Variants in SAR1B observed in about 807,000 individuals in gnomAD.
The protein encoded by SAR1B is small COPII coat GTPase SAR1B.
In SAR1B, 23 loss-of-function variants were observed where a neutral mutation model predicts 26.8. The observed-to-expected ratio is 0.86, with a 90% CI of 0.62 to 1.22. SAR1B has a LOEUF of 1.22. Ranked by LOEUF, SAR1B falls within the 50% of genes most tolerant of loss-of-function variation. SAR1B has a pLI of 0.00. For synonymous variants in SAR1B, 65 were observed against 80.8 expected, an observed-to-expected ratio of 0.80 and a Z score of 1.05; for missense variants, 196 against 232.8, an observed-to-expected ratio of 0.84 and a Z score of 1.03.
chr5:134,620,122 C>T (rs964881686), intron 3 of SAR1B, among the ~76,000 whole-genome samples: 3 of 151,940 alleles, frequency 2.0e-5, no homozygotes, highest in South Asian at 2.1e-4. Flanking sequence ...CTGGCTAACA[C>T]GGAGAAACCC....
intron 1 of SAR1B, among the ~76,000 whole-genome samples, chr5:134,628,886 C>A (rs561027794): frequency 6.6e-6 from 1 of 152,018 alleles, no homozygotes; most frequent in East Asian, 1.9e-4. Context: ...GAACTCCTGA[C>A]CTCGAGATCC....
At chr5:134,617,666 G>A (rs1228091517) in intron 3 of SAR1B, among the ~76,000 whole-genome samples, 1 of 152,044 alleles carries the variant, frequency 6.6e-6, no homozygotes, top group African/African-American at 2.4e-5. Flanking sequence ...GCTGGTTTTT[G>A]TTGGGTTTTT....
At chr5:134,612,974 T>C (rs558864970) in intron 3 of SAR1B, 24 of 539,692 alleles carry the variant, frequency 4.4e-5, no homozygotes, top group Admixed American at 4.0e-4. Flanking sequence ...TGTTCTTAGC[T>C]CCCACAATTT....
At chr5:134,622,612 G>A (rs565497141) in intron 2 of SAR1B, among the ~76,000 whole-genome samples, 22 of 150,596 alleles carry the variant, frequency 1.5e-4, no homozygotes, top group African/African-American at 4.6e-4. Context: ...GGGTTTCACC[G>A]TGTTAGCCAG....
intron 4 of SAR1B, 149 bp from the exon 5 acceptor site, chr5:134,609,823 G>A (rs998055044): frequency 1.4e-5 from 10 of 703,152 alleles, no homozygotes; most frequent in Non-Finnish European, 2.3e-5. Flanking sequence ...ACCCAGTGGT[G>A]CCAAATTCTT....
chr5:134,626,995 A>T (rs1025401576), intron 1 of SAR1B, among the ~76,000 whole-genome samples: 1 of 152,234 alleles, frequency 6.6e-6, no homozygotes, highest in Non-Finnish European at 1.5e-5. Flanking sequence ...AGCAAATTTT[A>T]AAAAGCTTAT....
At position 134,602,941 on chromosome 5, in the gene SAR1B, A is replaced by C. The variant is rs1402528156; in HGVS notation, c.*4009T>G. 6.6e-6 allele frequency: 1 copy of C among 152,212 alleles called. No individual in the cohort carries two copies. Among genetic ancestry groups the C allele is most frequent in the African/African-American group, 2.4e-5 (1 of 41,458 alleles). 9.4% of individuals were successfully genotyped at this position (152,212 alleles called of 1,614,324 possible). On this transcript the variant is annotated 3_prime_UTR_variant, in exon 7 of 7. Coordinates refer to ENST00000402673, the MANE Select transcript of SAR1B (RefSeq NM_016103.4). ...TTTTGATAATTTAGTCCTTAATTGA[A>C]GCACACTGTTTTTCTAAACTCTTAT...
chr5:134,630,322 G>A (rs541688998), intron 1 of SAR1B, among the ~76,000 whole-genome samples: 249 of 152,106 alleles, frequency 1.6e-3, no homozygotes, highest in Non-Finnish European at 3.2e-3. Context: ...GAGTGTGGTG[G>A]TGTATGCCTG....
rs2150047351 is a variant in SAR1B at position 134,602,155 on chromosome 5, T to TG, written c.*4794dup. On this transcript the variant is annotated 3_prime_UTR_variant, in exon 7 of 7. Coordinates refer to ENST00000402673, the MANE Select transcript of SAR1B (RefSeq NM_016103.4). ...TTCTATTTCTGCCCTAAAATCTATT[T>TG]GGGGCAGGGGACACACCTGAAACAA... The TG allele has an allele frequency of 6.6e-6, 1 of 152,338 alleles. No homozygotes were observed. The highest frequency in any genetic ancestry group is 1.9e-4 in the East Asian group (1 of 5,192). The allele number at this position is 152,338 out of a possible 1,614,324, so 9.4% of individuals were successfully genotyped here.
rs146601760 is a variant in SAR1B at position 134,620,981 on chromosome 5, T to G, written c.130A>C (p.Met44Leu). 6.8e-6 allele frequency: 11 copies of G among 1,613,320 alleles called. No homozygotes were observed. Among genetic ancestry groups the G allele is most frequent in the Admixed American group, 5.0e-5 (3 of 59,994 alleles). ...DNAGKTTLLH[M>L]LKDDRLGQHV... is the part of the protein sequence containing the mutation. Reference sequence around the variant, plus strand: ...TGTCCAAGTCTGTCATCTTTTAGCATGTGTAGCAATGTTGTTTTTCCTGCA... The same window carrying G: ...TGTCCAAGTCTGTCATCTTTTAGCAGGTGTAGCAATGTTGTTTTTCCTGCA... Residue 44 changes from methionine to leucine, a missense_variant, in exon 3 of 7, where the codon ATG (methionine) becomes CTG (leucine). Transcript: ENST00000402673.
rs958539742 is a variant in SAR1B, at chr5:134,619,739, G to T, written c.178+1194C>A. ...AATTCTGTGGTGTACATTAGATATT[G>T]TTGAGGTTATTAAGACTAGAAAAAT... On this transcript the variant is annotated intron_variant, in intron 3 of 6. Coordinates refer to ENST00000402673, the MANE Select transcript of SAR1B (RefSeq NM_016103.4). Among the ~76,000 whole-genome samples, 35 of 152,118 alleles carry T rather than the reference G, an allele frequency of 2.3e-4. 1 individual carries two copies. Among genetic ancestry groups the T allele is most frequent in the African/African-American group, 7.2e-4 (30 of 41,436 alleles).
rs766044454 is a variant in SAR1B at position 134,606,929 on chromosome 5, T to C, written c.*21A>G. The C allele has an allele frequency of 6.6e-7, 1 of 1,506,734 alleles. No individual in the cohort carries two copies. The highest frequency in any genetic ancestry group is 9.2e-7 in the Non-Finnish European group (1 of 1,081,964). The allele number at this position is 1,506,734 out of a possible 1,614,324, so 93.3% of individuals were successfully genotyped here. A position where few individuals can be genotyped will look rare whatever the true frequency, so the allele number is the denominator to read the frequency against. Reference sequence around the variant, plus strand: ...CTGAGTAAGCCTGAACGTTGAGACCTGGAACCAATGTGAGTTTGTGTTAAT... The same window carrying C: ...CTGAGTAAGCCTGAACGTTGAGACCCGGAACCAATGTGAGTTTGTGTTAAT... On this transcript the variant is annotated 3_prime_UTR_variant, in exon 7 of 7. Transcript: ENST00000402673.
intron 3 of SAR1B, chr5:134,618,368 C>CTAAT (rs1765348792): frequency 6.6e-6 from 1 of 152,110 alleles, no homozygotes; most frequent in Non-Finnish European, 1.5e-5. Context: ...TCCAACCTCA[C>CTAAT]TAATTGTTTT....
rs2150051201 is a variant in SAR1B, at chr5:134,612,672, A to G, written c.244+19T>C. The G allele has an allele frequency of 2.6e-5, 30 of 1,158,694 alleles. No homozygotes were observed. Among genetic ancestry groups the G allele is most frequent in the Non-Finnish European group, 3.3e-5 (28 of 851,706 alleles). The allele number at this position is 1,158,694 out of a possible 1,614,324, so 71.8% of individuals were successfully genotyped here. On this transcript the variant is annotated intron_variant, in intron 4 of 6. Transcript: ENST00000402673. ...AAAAAAAAAAAAAAAAAAAAAAAAA[A>G]AAAAAAAAAGAATCTTACCTTGAAC...
Position 134,632,716 on chromosome 5 carries a change from G to A in SAR1B, c.-19+12C>T, listed in dbSNP as rs1013271784. 2.0e-5 allele frequency: 3 copies of A among 152,532 alleles called. No homozygotes were observed. Among genetic ancestry groups the A allele is most frequent in the Non-Finnish European group, 4.4e-5 (3 of 68,278 alleles). The allele number at this position is 152,532 out of a possible 1,614,324, so 9.4% of individuals were successfully genotyped here. A position where few individuals can be genotyped will look rare whatever the true frequency, so the allele number is the denominator to read the frequency against. Reference sequence around the variant, plus strand: ...CCCACCGGTCCTCCCAGAAGGAGGGGCTGTCACTCACCTGCGACTGGAGGG... The same window carrying A: ...CCCACCGGTCCTCCCAGAAGGAGGGACTGTCACTCACCTGCGACTGGAGGG... On this transcript the variant is annotated intron_variant, in intron 1 of 6. Transcript: ENST00000402673.
chr5:134,620,891 T>C, intron 3 of SAR1B, 42 bp downstream of exon 3: 2 of 1,610,186 alleles, frequency 1.2e-6, no homozygotes, highest in Non-Finnish European at 1.7e-6. Flanking sequence ...TGACTCAGCA[T>C]CATTTGATCA....
At chr5:134,612,572 G>C in intron 4 of SAR1B, 119 bp downstream of exon 4, 1 of 982,882 alleles carries the variant, frequency 1.0e-6, no homozygotes, top group Non-Finnish European at 1.4e-6. Flanking sequence ...TTGAACCCAG[G>C]AGGCAGAGGT....
intron 2 of SAR1B, among the ~76,000 whole-genome samples, 192 bp from the exon 3 acceptor site, chr5:134,621,244 C>A (rs955802748): frequency 2.6e-5 from 4 of 152,082 alleles, no homozygotes; most frequent in African/African-American, 9.7e-5. Flanking sequence ...CCGAGGTGGG[C>A]GGATCACCTG....
At chr5:134,626,321 A>G (rs528092935) in intron 1 of SAR1B, among the ~76,000 whole-genome samples, 1 of 143,958 alleles carries the variant, frequency 6.9e-6, no homozygotes, top group Non-Finnish European at 1.5e-5. Flanking sequence ...AAAAAAAAAA[A>G]AAAAAAAAAT....
Sources: allele counts gnomAD v4.1 joint callset (sites outside exome capture counted in the v4.1 genomes callset), GRCh38; gene constraint gnomAD v4.1.1; transcripts MANE v1.5; gene names NCBI Gene and HGNC (gene_info 2026-07-23, HGNC 2026-07-21).